The following C1orf141 variants were observed in gnomAD, a reference collection of about 807,000 sequenced individuals.
The protein encoded by C1orf141 is uncharacterized protein C1orf141.
In C1orf141, 19 loss-of-function variants were observed where a neutral mutation model predicts 23.2. That is an observed-to-expected ratio of 0.82 (90% CI 0.57 to 1.20). C1orf141 has a LOEUF of 1.20. Among genes scored for constraint, C1orf141 ranks in the 50% most tolerant of loss-of-function variants. C1orf141 has a pLI of 0.00. For synonymous variants in C1orf141, 153 were observed against 154.6 expected, an observed-to-expected ratio of 0.99 and a Z score of 0.08; for missense variants, 469 against 455.1, an observed-to-expected ratio of 1.03 and a Z score of -0.28.
At chr1:67,128,696 C>T (rs756181803) in intron 2 of C1orf141, among the ~76,000 whole-genome samples, 8 of 151,804 alleles carry the variant, frequency 5.3e-5, no homozygotes, top group Non-Finnish European at 1.0e-4. Flanking sequence ...GAGTAAGACT[C>T]TGTCTCAAAA....
upstream of C1orf141, among the ~76,000 whole-genome samples, chr1:67,136,802 A>G (rs1318586250): frequency 6.6e-6 from 1 of 152,226 alleles, no homozygotes; most frequent in Non-Finnish European, 1.5e-5. Flanking sequence ...AATTAGTAAT[A>G]CAATTATTAA....
Position 67,096,320 on chromosome 1 carries a change from A to G in C1orf141, c.348T>C (p.Ala116=), listed in dbSNP as rs180863622. The G allele has an allele frequency of 4.7e-6, 7 of 1,495,470 alleles. No individual in the cohort carries two copies. The Admixed American group carries it at 6.1e-5, about 13-fold the overall frequency. 92.6% of individuals were successfully genotyped at this position (1,495,470 alleles called of 1,614,324 possible). A position where few individuals can be genotyped will look rare whatever the true frequency, so the allele number is the denominator to read the frequency against. The part of the protein sequence containing the change: ...NVKNKESEST[A]QIEKKPRKPL... ...GTTTCCTAGGTTTTTTTTCAATTTGAGCTGAAATTTTAAAAGATTTTCATA... is the reference window on the plus strand; with the variant it reads ...GTTTCCTAGGTTTTTTTTCAATTTGGGCTGAAATTTTAAAAGATTTTCATA... Residue 116 remains alanine (A), a splice_region_variant and synonymous_variant, in exon 6 of 8, where the codon GCT becomes GCC. Coordinates refer to ENST00000684719, the MANE Select transcript of C1orf141 (RefSeq NM_001276351.2).
At chr1:67,106,653 A>G (rs552113114) in intron 5 of C1orf141, among the ~76,000 whole-genome samples, 1 of 152,258 alleles carries the variant, frequency 6.6e-6, no homozygotes, top group African/African-American at 2.4e-5. Context: ...GCACGACTTC[A>G]TCTAACAAAC....
chr1:67,135,391 A>G (rs115776568), upstream of C1orf141, among the ~76,000 whole-genome samples: 5,705 of 152,362 alleles, frequency 0.037, 105 homozygotes, highest in East Asian at 0.074. Flanking sequence ...GGCTTATGAT[A>G]TTAAAAACAG....
chr1:67,139,831 G>A (rs1646618912), upstream of C1orf141, among the ~76,000 whole-genome samples: 2 of 152,198 alleles, frequency 1.3e-5, no homozygotes, highest in Admixed American at 1.3e-4. Context: ...AAGACCCACT[G>A]CACCCAGCTT....
At chr1:67,096,500 C>T (rs1401938678) in intron 5 of C1orf141, among the ~76,000 whole-genome samples, 179 bp from the exon 6 acceptor site, 1 of 152,162 alleles carries the variant, frequency 6.6e-6, no homozygotes, top group African/African-American at 2.4e-5. Context: ...CTGGAAAAGA[C>T]TGAGATCGAA....
At chr1:67,109,346 A>C (rs1159410537) in intron 5 of C1orf141, among the ~76,000 whole-genome samples, 2 of 149,658 alleles carry the variant, frequency 1.3e-5, no homozygotes. Flanking sequence ...AAAAAAAAAA[A>C]AAAAAAAAAA....
chr1:67,103,502 T>G, intron 5 of C1orf141: 1 of 514,632 alleles, frequency 1.9e-6, no homozygotes, highest in Non-Finnish European at 3.1e-6. Flanking sequence ...CTAACAGCTG[T>G]CTGGTTCTTT....
chr1:67,135,003 G>A (rs12044149), upstream of C1orf141: 3 of 134,364 alleles, frequency 2.2e-5, no homozygotes, highest in South Asian at 2.5e-4. Context: ...CCTTAGCAAC[G>A]CGTCCTCGGT....
At position 67,092,764 on chromosome 1, in the gene C1orf141, T is replaced by C. The variant is rs1645581054; in HGVS notation, c.*241A>G. The stretch of plus-strand genomic sequence containing the variant: ...TGATGATTGAGCAATCTAATTGAGA[T>C]AATAGAAAGTCATGAACTAGATCCT... On this transcript the variant is annotated 3_prime_UTR_variant, in exon 8 of 8. Transcript: ENST00000684719. The C allele has an allele frequency of 6.5e-6, 2 of 307,350 alleles. No individual in the cohort carries two copies. The highest frequency in any genetic ancestry group is 1.2e-5 in the Non-Finnish European group (2 of 165,908). 19.0% of individuals were successfully genotyped at this position (307,350 alleles called of 1,614,324 possible). A position where few individuals can be genotyped will look rare whatever the true frequency, so the allele number is the denominator to read the frequency against.
chr1:67,123,719 T>A (rs1199518937), intron 4 of C1orf141: 2 of 152,134 alleles, frequency 1.3e-5, no homozygotes, highest in Non-Finnish European at 2.9e-5. Flanking sequence ...TAGAAGTAGG[T>A]GTTAAAAACC....
intron 5 of C1orf141, chr1:67,111,455 C>A: frequency 2.2e-6 from 1 of 450,138 alleles, no homozygotes; most frequent in Non-Finnish European, 4.0e-6. Context: ...ATCACTTTAA[C>A]ATTTTATCAT....
chr1:67,114,612 G>A (rs1646151979), intron 5 of C1orf141, among the ~76,000 whole-genome samples: 1 of 152,150 alleles, frequency 6.6e-6, no homozygotes, highest in South Asian at 2.1e-4. Flanking sequence ...AAAAACGAAG[G>A]CAACACGAAA....
At chr1:67,109,706 A>C (rs1646023971) in intron 5 of C1orf141, among the ~76,000 whole-genome samples, 1 of 152,122 alleles carries the variant, frequency 6.6e-6, no homozygotes, top group Non-Finnish European at 1.5e-5. Context: ...TTTCTCAGGG[A>C]TAATAGTATT....
chr1:67,095,344 C>T lies in C1orf141; in HGVS notation c.494G>A (p.Arg165Lys). Reference protein sequence around the residue: ...SVRNYQLSKYRSVRKKSLLPL... With the variant: ...SVRNYQLSKYKSVRKKSLLPL... ...GAGCAAGCTTTTCTTTCTTACTGAC[C>T]TATACTTACTTAATTGATAATTTCT... is the stretch of plus-strand genomic sequence containing the variant. Residue 165 changes from arginine to lysine, a missense_variant, in exon 7 of 8, where the codon AGG becomes AAG. Around this residue, in one of 3 missense-constraint regions of C1orf141, gnomAD observed 370 missense variants for 348.1 expected, o/e 1.06. Transcript: ENST00000684719. 3 of 1,579,596 alleles carry T rather than the reference C, an allele frequency of 1.9e-6. No individual in the cohort carries two copies. Among genetic ancestry groups the T allele is most frequent in the Non-Finnish European group, 2.6e-6 (3 of 1,154,874 alleles).
At chr1:67,100,684 C>G (rs1294703723) in intron 5 of C1orf141, among the ~76,000 whole-genome samples, 6 of 152,050 alleles carry the variant, frequency 3.9e-5, no homozygotes, top group Admixed American at 1.3e-4. Context: ...TCTTTCTGCT[C>G]AACTTTGAAT....
intron 4 of C1orf141, among the ~76,000 whole-genome samples, chr1:67,120,366 T>C (rs1285215128): frequency 6.6e-6 from 1 of 152,118 alleles, no homozygotes; most frequent in Admixed American, 6.6e-5. Flanking sequence ...GACTTTAGAG[T>C]TGATGCTGAA....
chr1:67,118,417 C>T (rs1646238616), intron 4 of C1orf141, among the ~76,000 whole-genome samples: 1 of 152,082 alleles, frequency 6.6e-6, no homozygotes, highest in Non-Finnish European at 1.5e-5. Context: ...GAGGGAGTTC[C>T]CAAAGAATCA....
At chr1:67,131,979 T>C (rs1217837646) in intron 1 of C1orf141, among the ~76,000 whole-genome samples, 1 of 150,598 alleles carries the variant, frequency 6.6e-6, no homozygotes, top group African/African-American at 2.4e-5. Flanking sequence ...GAGATGGGGT[T>C]TCACCATATT....
Sources: gnomAD v4.1 joint callset for allele counts (sites outside exome capture counted in the v4.1 genomes callset) on GRCh38, gnomAD v4.1.1 for gene constraint, gnomAD v4.1.1 regional missense constraint, MANE v1.5 for transcripts, NCBI Gene and HGNC (gene_info 2026-07-23, HGNC 2026-07-21) for gene names.